Variants in AMD1 observed in about 807,000 individuals in gnomAD.
AMD1 encodes the protein S-adenosylmethionine decarboxylase proenzyme.
A neutral mutation model predicts 40.2 loss-of-function variants in AMD1; 11 were observed. That is an observed-to-expected ratio of 0.27 (90% CI 0.17 to 0.45). The LOEUF is 0.45. Ranked by LOEUF, AMD1 falls within the 20% of genes least tolerant of loss-of-function variation. AMD1 has a pLI of 1.00. For missense variants in AMD1, 257 were observed against 410.2 expected, an observed-to-expected ratio of 0.63 and a Z score of 3.23; for synonymous variants, 121 against 130.8, an observed-to-expected ratio of 0.93 and a Z score of 0.51.
At chr6:110,831,221 C>T in the AMD1 span, among the ~76,000 whole-genome samples, 14 of 152,004 alleles carry the variant, frequency 9.2e-5, no homozygotes, top group African/African-American at 3.4e-4. Flanking sequence ...GGGCAGATCA[C>T]GAAGTCAGGA....
the AMD1 span, among the ~76,000 whole-genome samples, chr6:110,860,550 G>A: frequency 3.3e-5 from 5 of 151,932 alleles, no homozygotes; most frequent in Non-Finnish European, 5.9e-5. Flanking sequence ...TGTAATCCCT[G>A]CACTTTGGGA....
chr6:110,849,666 C>CA, the AMD1 span, among the ~76,000 whole-genome samples: 3 of 151,832 alleles, frequency 2.0e-5, no homozygotes, highest in African/African-American at 7.3e-5. Flanking sequence ...AACAAACAAA[C>CA]AAAAAGACAA....
chr6:110,868,919 G>A, the AMD1 span, among the ~76,000 whole-genome samples: 1 of 151,814 alleles, frequency 6.6e-6, no homozygotes, highest in East Asian at 2.0e-4. Context: ...AATTAGCCAG[G>A]TGTGGTGGCG....
At chr6:110,859,035 G>T in the AMD1 span, 1 of 1,224,816 alleles carries the variant, frequency 8.2e-7, no homozygotes, top group South Asian at 1.2e-5. Flanking sequence ...GCAGATACAT[G>T]ACCCCAAGTT....
At position 110,895,197 on chromosome 6, in the gene AMD1, G is replaced by C. The variant is rs1382736662; in HGVS notation, c.*1581G>C. 1 of 152,034 alleles carries C rather than the reference G, an allele frequency of 6.6e-6. No individual in the cohort carries two copies. The highest frequency in any genetic ancestry group is 1.5e-5 in the Non-Finnish European group (1 of 68,000). The allele number at this position is 152,034 out of a possible 1,614,324, so 9.4% of individuals were successfully genotyped here. Reference sequence around the variant, plus strand: ...TTTATAAATGAAACACCTTTTTTTAGTGTTTCTAAACCTAAAATCTACTTG... The same window carrying C: ...TTTATAAATGAAACACCTTTTTTTACTGTTTCTAAACCTAAAATCTACTTG... On this transcript the variant is annotated 3_prime_UTR_variant, in exon 9 of 9. Transcript: ENST00000368885.
Position 110,888,947 on chromosome 6 carries a change from G to C in AMD1, c.288G>C (p.Lys96Asn). The part of the protein sequence containing the change: ...LLLKALVPLL[K>N]LARDYSGFDS... ...TGAAAGCACTGGTTCCCCTGTTGAA[G>C]CTTGCTAGGGATTACAGTGGGTTTG... is the stretch of plus-strand genomic sequence containing the variant. The change falls in exon 3 of 9, where the codon AAG (lysine) becomes AAC (asparagine). Residue 96 changes from lysine to asparagine, a missense_variant. This residue lies in a region of AMD1 where 192 missense variants were observed against 296.5 expected (regional missense o/e 0.65). Transcript: ENST00000368885. 1.2e-6 allele frequency: 2 copies of C among 1,613,992 alleles called. No individual in the cohort carries two copies. Among genetic ancestry groups the C allele is most frequent in the South Asian group, 2.2e-5 (2 of 91,064 alleles).
At chr6:110,858,011 T>A in the AMD1 span, among the ~76,000 whole-genome samples, 1 of 151,970 alleles carries the variant, frequency 6.6e-6, no homozygotes, top group Admixed American at 6.6e-5. Context: ...ACTTATTATT[T>A]TTTTTTCTTT....
At chr6:110,893,102 T>C in intron 8 of AMD1, 37 bp downstream of exon 8, 2 of 1,539,016 alleles carry the variant, frequency 1.3e-6, no homozygotes, top group Non-Finnish European at 1.8e-6. Flanking sequence ...GGTTATTTGA[T>C]TTTTAAAATC....
At chr6:110,822,212 A>G in the AMD1 span, among the ~76,000 whole-genome samples, 6 of 152,200 alleles carry the variant, frequency 3.9e-5, no homozygotes, top group African/African-American at 1.2e-4. Context: ...GGAAAATAGA[A>G]GATTCAAATA....
chr6:110,875,273 G>T (rs1785031824), intron 1 of AMD1, 58 bp downstream of exon 1: 5 of 1,383,912 alleles, frequency 3.6e-6, no homozygotes, highest in Non-Finnish European at 5.0e-6. Context: ...CGCCGCCGAG[G>T]CACCAGCCAC....
intron 8 of AMD1, 90 bp downstream of exon 8, chr6:110,893,155 T>C (rs1786126672): frequency 8.5e-7 from 1 of 1,171,510 alleles, no homozygotes; most frequent in African/African-American, 1.6e-5. Flanking sequence ...TATTCTGAGA[T>C]AGCACATATA....
the AMD1 span, among the ~76,000 whole-genome samples, chr6:110,818,384 T>C: frequency 6.6e-6 from 1 of 152,184 alleles, no homozygotes; most frequent in African/African-American, 2.4e-5. Flanking sequence ...AGCTATACAT[T>C]GTTAAGATAT....
chr6:110,890,231 C>G, intron 3 of AMD1, 23 bp from the exon 4 acceptor site: 1 of 1,456,526 alleles, frequency 6.9e-7, no homozygotes, highest in Non-Finnish European at 9.3e-7. Flanking sequence ...CTTTTTTTTT[C>G]TTTCTTTTCT....
At chr6:110,844,509 T>C in the AMD1 span, among the ~76,000 whole-genome samples, 20 of 151,284 alleles carry the variant, frequency 1.3e-4, no homozygotes, top group Admixed American at 2.6e-4. Context: ...GGGCTGGGTG[T>C]GGTGGCTCAC....
At chr6:110,891,718 C>A in intron 4 of AMD1, 2 of 176,754 alleles carry the variant, frequency 1.1e-5, no homozygotes, top group South Asian at 1.2e-4. Context: ...GGGAATTTAC[C>A]TACTGTTTCC....
rs147095707 is a variant in AMD1, at chr6:110,895,450, T to TTTTTG, written c.*1858_*1862dup. ...TGACTTGAGGTCTGGTTTGGTTTTGTTTTTGTTTTGTTTTGTTTTGTTTTG... is the reference window on the plus strand; with the variant it reads ...TGACTTGAGGTCTGGTTTGGTTTTGTTTTTGTTTTGTTTTGTTTTGTTTTGTTTTG... On this transcript the variant is annotated 3_prime_UTR_variant, in exon 9 of 9. Coordinates refer to ENST00000368885, the MANE Select transcript of AMD1 (RefSeq NM_001634.6). 0.027 allele frequency: 4,157 copies of TTTTTG among 151,862 alleles called. 92 individuals are homozygous for TTTTTG. Among genetic ancestry groups the TTTTTG allele is most frequent in the Non-Finnish European group, 0.046 (3,090 of 67,880 alleles). 9.4% of individuals were successfully genotyped at this position (151,862 alleles called of 1,614,324 possible). A position where few individuals can be genotyped will look rare whatever the true frequency, so the allele number is the denominator to read the frequency against.
the AMD1 span, among the ~76,000 whole-genome samples, chr6:110,851,233 T>C: frequency 6.6e-6 from 1 of 152,180 alleles, no homozygotes; most frequent in Non-Finnish European, 1.5e-5. Context: ...CCCAAAGTGC[T>C]GAGATTACAG....
intron 6 of AMD1, 104 bp from the exon 7 acceptor site, chr6:110,892,630 AT>A: frequency 1.4e-6 from 2 of 1,438,134 alleles, no homozygotes; most frequent in Non-Finnish European, 1.9e-6. Flanking sequence ...CCCATTAGTT[AT>A]TTTTCCTGGT....
chr6:110,858,320 C>T, the AMD1 span: 1 of 780,864 alleles, frequency 1.3e-6, no homozygotes, highest in Non-Finnish European at 2.2e-6. Context: ...CAAATATGAC[C>T]CCCAGAAGGA....
Sources: gnomAD v4.1 joint callset for allele counts (sites outside exome capture counted in the v4.1 genomes callset) on GRCh38, gnomAD v4.1.1 for gene constraint, gnomAD v4.1.1 regional missense constraint, MANE v1.5 for transcripts, NCBI Gene and HGNC (gene_info 2026-07-23, HGNC 2026-07-21) for gene names.